The following RIOK3 variants were observed in gnomAD, a reference collection of about 807,000 sequenced individuals.
The protein encoded by RIOK3 is serine/threonine-protein kinase RIO3.
A neutral mutation model predicts 63.5 loss-of-function variants in RIOK3; 40 were observed. That is an observed-to-expected ratio of 0.63 (90% CI 0.49 to 0.82). The LOEUF (loss-of-function observed/expected upper bound fraction) is 0.82, where lower values mean the gene tolerates loss of function less well. Among genes scored for constraint, RIOK3 ranks in the 40% least tolerant of loss-of-function variants. The pLI is 0.00. For synonymous variants in RIOK3, 193 were observed against 205.0 expected (o/e 0.94, Z 0.50); for missense variants, 557 against 637.0 (o/e 0.87, Z 1.35).
chr18:23,469,425 T>C (rs1444347009), intron 7 of RIOK3, among the ~76,000 whole-genome samples: 14 of 127,286 alleles, frequency 1.1e-4, no homozygotes, highest in South Asian at 3.1e-4. Context: ...TCTCTCTCTC[T>C]CTCTCCCTCT....
At chr18:23,472,220 G>A (rs911333893) in intron 7 of RIOK3, among the ~76,000 whole-genome samples, 1 of 148,300 alleles carries the variant, frequency 6.7e-6, no homozygotes, top group Admixed American at 6.9e-5. Context: ...GTGACAAAGT[G>A]AGACTCTGTC....
rs2057542044 is a variant in RIOK3 at position 23,482,508 on chromosome 18, T to C, written c.*1229T>C. 1.0e-5 allele frequency: 1 copy of C among 96,050 alleles called. No individual in the cohort carries two copies. Among genetic ancestry groups the C allele is most frequent in the Non-Finnish European group, 2.1e-5 (1 of 48,238 alleles). The allele number at this position is 96,050 out of a possible 1,614,324, so 5.9% of individuals were successfully genotyped here. ...CTAGGTGACAGAGGGAAACTCCATCTCCAGGAAAAAAAAAAAAAAACCCAA... is the reference window on the plus strand; with the variant it reads ...CTAGGTGACAGAGGGAAACTCCATCCCCAGGAAAAAAAAAAAAAAACCCAA... On this transcript the variant is annotated 3_prime_UTR_variant, in exon 13 of 13. Transcript: ENST00000339486.
chr18:23,464,277 G>A lies in RIOK3; in HGVS notation c.397G>A (p.Asp133Asn), dbSNP rs753558981. 1.2e-6 allele frequency: 2 copies of A among 1,614,022 alleles called. No individual in the cohort carries two copies. The highest frequency in any genetic ancestry group is 2.2e-5 in the East Asian group (1 of 44,888). Reference protein sequence around the residue: ...EDSDSSEDEVDWQDTRDDPYR... With the variant: ...EDSDSSEDEVNWQDTRDDPYR... The stretch of plus-strand genomic sequence containing the variant: ...CAGCGATAGCTCTGAAGATGAGGTT[G>A]ACTGGCAGGATACTCGTGATGATCC... Residue 133 changes from aspartate (D) to asparagine (N), a missense_variant, in exon 4 of 13, where the codon GAC (aspartate) becomes AAC (asparagine). Physicochemically the swap from Asp to Asn is conservative, Grantham distance 23. Coordinates refer to ENST00000339486, the MANE Select transcript of RIOK3 (RefSeq NM_003831.5).
At chr18:23,470,895 A>G (rs183668707) in intron 7 of RIOK3, among the ~76,000 whole-genome samples, 334 of 152,316 alleles carry the variant, frequency 2.2e-3, no homozygotes, top group Non-Finnish European at 3.5e-3. Flanking sequence ...CTCACCTACT[A>G]TGTGGTTAAA....
chr18:23,476,805 G>A (rs2057494039), intron 9 of RIOK3, among the ~76,000 whole-genome samples: 1 of 152,110 alleles, frequency 6.6e-6, no homozygotes, highest in Non-Finnish European at 1.5e-5. Context: ...CGAGCTACTT[G>A]GGAGGCTGAG....
intron 1 of RIOK3, among the ~76,000 whole-genome samples, chr18:23,462,161 A>AG (rs2057376432): frequency 2.0e-5 from 1 of 51,240 alleles, no homozygotes; most frequent in Non-Finnish European, 3.9e-5. Context: ...TTTTTTTGGC[A>AG]GGGGGTCTCA....
intron 7 of RIOK3, among the ~76,000 whole-genome samples, chr18:23,467,790 T>A (rs920079566): frequency 6.6e-5 from 10 of 150,996 alleles, no homozygotes; most frequent in East Asian, 1.9e-4. Context: ...TATTATTATT[T>A]TTTGAGATGG....
Position 23,478,644 on chromosome 18 carries a change from T to TCC in RIOK3, c.1345-673_1345-672insCC, listed in dbSNP as rs2057510414. Among the ~76,000 whole-genome samples the TCC allele has an allele frequency of 1.3e-4, 4 of 30,054 alleles. No individual in the cohort carries two copies. In the South Asian group the frequency reaches 4.9e-3, roughly 37 times the overall value. 19.7% of individuals were successfully genotyped at this position (30,054 alleles called of 152,430 possible). The stretch of plus-strand genomic sequence containing the variant: ...ATATATATATATATATATATATATA[T>TCC]ATATATATATATATGGTAAAATTTA... On this transcript the variant is annotated intron_variant, in intron 11 of 12. Transcript: ENST00000339486.
chr18:23,459,573 T>C (rs2081848176), intron 1 of RIOK3, among the ~76,000 whole-genome samples: 1 of 152,162 alleles, frequency 6.6e-6, no homozygotes, highest in Non-Finnish European at 1.5e-5. Context: ...GAGACAGCCT[T>C]ATAGAGGAGA....
intron 1 of RIOK3, among the ~76,000 whole-genome samples, chr18:23,459,459 T>C (rs2057360687): frequency 6.6e-6 from 1 of 152,212 alleles, no homozygotes; most frequent in African/African-American, 2.4e-5. Context: ...TCATGCTCCA[T>C]TGTGGCTAAT....
chr18:23,462,705 A>T (rs1047432941), intron 1 of RIOK3, among the ~76,000 whole-genome samples: 7 of 152,204 alleles, frequency 4.6e-5, no homozygotes, highest in African/African-American at 1.7e-4. Context: ...AGTGGGCCTG[A>T]TGCTTCCCCT....
At chr18:23,461,671 G>T (rs536256230) in intron 1 of RIOK3, among the ~76,000 whole-genome samples, 90 of 152,314 alleles carry the variant, frequency 5.9e-4, no homozygotes, top group African/African-American at 2.0e-3. Flanking sequence ...TAAACCTACA[G>T]TTTGATTTCA....
chr18:23,455,110 C>T (rs1373035579), intron 1 of RIOK3, among the ~76,000 whole-genome samples: 7 of 150,636 alleles, frequency 4.6e-5, no homozygotes, highest in Admixed American at 2.0e-4. Flanking sequence ...CTCGCCCTAT[C>T]GCCCAGGCTG....
rs771791165 is a variant in RIOK3 at position 23,453,507 on chromosome 18, G to T, written c.63+5G>T. On this transcript the variant is annotated splice_donor_5th_base_variant and intron_variant, in intron 1 of 12. Transcript: ENST00000339486. The stretch of plus-strand genomic sequence containing the variant: ...GCGGCCTGGGGACCCAGCAAGGTAA[G>T]TGGCAGACGAGACTGGAGTACTAGC... The T allele has an allele frequency of 6.8e-6, 11 of 1,610,500 alleles. No individual in the cohort carries two copies. In the Admixed American group the frequency reaches 1.0e-4, roughly 15 times the overall value.
chr18:23,475,522 G>A (rs374710082), intron 9 of RIOK3, among the ~76,000 whole-genome samples: 11 of 150,986 alleles, frequency 7.3e-5, no homozygotes, highest in South Asian at 4.2e-4. Context: ...CCAGCTACTC[G>A]GGAGTCTAAG....
chr18:23,457,757 A>C (rs965387519), intron 1 of RIOK3, among the ~76,000 whole-genome samples: 1 of 152,102 alleles, frequency 6.6e-6, no homozygotes, highest in Non-Finnish European at 1.5e-5. Flanking sequence ...AAAATTACTT[A>C]CTTAAATATT....
intron 11 of RIOK3, among the ~76,000 whole-genome samples, chr18:23,478,646 T>C (rs1044471980): frequency 4.0e-4 from 18 of 44,738 alleles, no homozygotes; most frequent in African/African-American, 1.3e-3. Context: ...TATATATATA[T>C]ATATATATAT....
chr18:23,479,195 G>T, intron 11 of RIOK3, 122 bp from the exon 12 acceptor site: 1 of 622,238 alleles, frequency 1.6e-6, no homozygotes, highest in South Asian at 1.8e-5. Context: ...GTGTGTGTGT[G>T]TGTGTGCGTG....
intron 9 of RIOK3, among the ~76,000 whole-genome samples, chr18:23,476,603 A>G (rs1397170052): frequency 7.0e-6 from 1 of 143,340 alleles, no homozygotes; most frequent in East Asian, 2.1e-4. Flanking sequence ...ATTAATGTTG[A>G]TTTCTACTGT....
Sources: gnomAD v4.1 joint callset for allele counts (sites outside exome capture counted in the v4.1 genomes callset) on GRCh38, gnomAD v4.1.1 for gene constraint, MANE v1.5 for transcripts, NCBI Gene and HGNC (gene_info 2026-07-23, HGNC 2026-07-21) for gene names.